ASTN1: variants seen among roughly 807,000 people sequenced by gnomAD.
ASTN1 encodes the protein astrotactin-1.
A neutral mutation model predicts 140.7 loss-of-function variants in ASTN1; 41 were observed. The observed-to-expected ratio is 0.29, with a 90% CI of 0.23 to 0.38. ASTN1 has a LOEUF of 0.38. Ranked by LOEUF, ASTN1 falls within the 10% of genes least tolerant of loss-of-function variation. ASTN1 has a pLI of 1.00. For missense variants in ASTN1, 1,479 were observed against 1,678.8 expected (o/e 0.88, Z 2.08); for synonymous variants, 640 against 652.2 (o/e 0.98, Z 0.29).
intron 10 of ASTN1, among the ~76,000 whole-genome samples, 185 bp downstream of exon 10, chr1:176,958,160 G>T (rs1279356035): frequency 6.6e-6 from 1 of 152,156 alleles, no homozygotes; most frequent in Non-Finnish European, 1.5e-5. Flanking sequence ...ATGAGCCTTG[G>T]GATGTGCAAT....
At position 176,861,147 on chromosome 1, in the gene ASTN1, ACT is replaced by A. The variant is rs1571422612; in HGVS notation, c.*3135_*3136del. 4 of 951,376 alleles carry A rather than the reference ACT, an allele frequency of 4.2e-6. No homozygotes were observed. The highest frequency in any genetic ancestry group is 5.0e-6 in the Non-Finnish European group (4 of 798,940). 58.9% of individuals were successfully genotyped at this position (951,376 alleles called of 1,614,324 possible). On this transcript the variant is annotated 3_prime_UTR_variant, in exon 23 of 23. Transcript: ENST00000361833. ...ATACAATAATTCTCTTTTAAACAAC[ACT>A]GTTATACCTGAAGATGGTCATATTA...
chr1:176,979,777 G>A (rs978915213), intron 8 of ASTN1, among the ~76,000 whole-genome samples: 1 of 152,140 alleles, frequency 6.6e-6, no homozygotes, highest in Admixed American at 6.5e-5. Context: ...TGTGATATTA[G>A]TGTGATATTA....
At chr1:177,008,306 C>T (rs1675095927) in intron 8 of ASTN1, among the ~76,000 whole-genome samples, 1 of 151,678 alleles carries the variant, frequency 6.6e-6, no homozygotes, top group Admixed American at 6.6e-5. Context: ...GTCTGTTGGA[C>T]ACAGAAAAAC....
At chr1:176,959,010 T>C (rs111775085) in intron 9 of ASTN1, among the ~76,000 whole-genome samples, 310 of 152,246 alleles carry the variant, frequency 2.0e-3, no homozygotes, top group African/African-American at 7.0e-3. Context: ...GAAGAGCAGA[T>C]GAACAAATGA....
chr1:176,957,054 T>C (rs1338400150), intron 11 of ASTN1, among the ~76,000 whole-genome samples: 1 of 151,920 alleles, frequency 6.6e-6, no homozygotes, highest in East Asian at 1.9e-4. Flanking sequence ...TACACTGCCA[T>C]GCCCAGCAAA....
At chr1:176,871,591 C>A (rs1263834991) in intron 21 of ASTN1, among the ~76,000 whole-genome samples, 1 of 152,170 alleles carries the variant, frequency 6.6e-6, no homozygotes, top group Non-Finnish European at 1.5e-5. Context: ...TCTCCTAAAA[C>A]CACGATATTC....
At chr1:176,992,502 A>G (rs377219423) in intron 8 of ASTN1, among the ~76,000 whole-genome samples, 42 of 152,238 alleles carry the variant, frequency 2.8e-4, no homozygotes, top group African/African-American at 8.7e-4. Flanking sequence ...AGCACCCCCA[A>G]TTGGGCCCTT....
chr1:176,987,840 G>A (rs977490249), intron 8 of ASTN1, among the ~76,000 whole-genome samples: 3 of 152,182 alleles, frequency 2.0e-5, no homozygotes, highest in Non-Finnish European at 4.4e-5. Context: ...TTTGGGAATA[G>A]CAAGAAGCAG....
chr1:176,875,282 G>A (rs1668512998), intron 21 of ASTN1, among the ~76,000 whole-genome samples: 1 of 152,162 alleles, frequency 6.6e-6, no homozygotes, highest in South Asian at 2.1e-4. Context: ...AGTGAGGCTG[G>A]AATGCAGAAA....
intron 2 of ASTN1, among the ~76,000 whole-genome samples, chr1:177,042,938 C>T (rs1161433813): frequency 6.6e-6 from 1 of 152,250 alleles, no homozygotes; most frequent in Non-Finnish European, 1.5e-5. Context: ...ACTGTCTACA[C>T]TGCCTGTCCC....
intron 16 of ASTN1, among the ~76,000 whole-genome samples, chr1:176,914,789 C>T (rs575289747): frequency 3.3e-5 from 5 of 152,124 alleles, no homozygotes; most frequent in South Asian, 4.2e-4. Context: ...GGGTAGCAAC[C>T]GTGTACAGAG....
At chr1:176,916,068 T>C (rs531506574) in intron 16 of ASTN1, among the ~76,000 whole-genome samples, 2 of 152,344 alleles carry the variant, frequency 1.3e-5, no homozygotes, top group Admixed American at 6.5e-5. Context: ...TTTACTACAG[T>C]GAATCTGAAA....
chr1:177,138,368 A>G (rs1029280035), intron 1 of ASTN1, among the ~76,000 whole-genome samples: 2 of 152,228 alleles, frequency 1.3e-5, no homozygotes, highest in Non-Finnish European at 2.9e-5. Flanking sequence ...GCTGAAACTC[A>G]TTCACATTCA....
At chr1:176,883,057 T>A in intron 19 of ASTN1, 63 bp from the exon 20 acceptor site, 1 of 1,589,844 alleles carries the variant, frequency 6.3e-7, no homozygotes, top group Non-Finnish European at 8.6e-7. Flanking sequence ...AATGAGGAGA[T>A]GGAGTCAACT....
chr1:176,992,548 AT>A (rs1369388633), intron 8 of ASTN1, among the ~76,000 whole-genome samples: 6 of 152,180 alleles, frequency 3.9e-5, no homozygotes, highest in Admixed American at 3.3e-4. Flanking sequence ...CTAGATGAGG[AT>A]TAGAAAGCAT....
At position 177,097,043 on chromosome 1, in the gene ASTN1, T is replaced by C. The variant is rs546263103; in HGVS notation, c.284-35778A>G. 6.0e-5 allele frequency among the ~76,000 whole-genome samples: 9 copies of C among 150,300 alleles called. No homozygotes were observed. In the South Asian group the frequency reaches 1.9e-3, roughly 32 times the overall value. ...CAGCCATGAGAAATGAATTTCTGCT[T>C]TTTTTTTTAATAAGCTACCCAGTAT... is the stretch of plus-strand genomic sequence containing the variant. On this transcript the variant is annotated intron_variant, in intron 1 of 22. Coordinates refer to ENST00000361833, the MANE Select transcript of ASTN1 (RefSeq NM_004319.3).
intron 18 of ASTN1, among the ~76,000 whole-genome samples, chr1:176,885,315 ACCTC>A (rs1668989861): frequency 6.6e-6 from 1 of 151,866 alleles, no homozygotes; most frequent in African/African-American, 2.4e-5. Flanking sequence ...GCCAGCTCAT[ACCTC>A]TCTGTACCTC....
intron 16 of ASTN1, among the ~76,000 whole-genome samples, chr1:176,926,306 G>T (rs1553228970): frequency 6.8e-6 from 1 of 146,770 alleles, no homozygotes; most frequent in Non-Finnish European, 1.5e-5. Context: ...AAAAAAAAAA[G>T]GTAGCTATTT....
chr1:177,155,542 G>T (rs1683201275), intron 1 of ASTN1, among the ~76,000 whole-genome samples: 1 of 152,104 alleles, frequency 6.6e-6, no homozygotes, highest in Non-Finnish European at 1.5e-5. Flanking sequence ...CAGAAAAACT[G>T]CCCTACAACT....
Sources: allele counts gnomAD v4.1 joint callset (sites outside exome capture counted in the v4.1 genomes callset), GRCh38; gene constraint gnomAD v4.1.1; transcripts MANE v1.5; gene names NCBI Gene and HGNC (gene_info 2026-07-23, HGNC 2026-07-21).